ARID4A: variants seen among roughly 807,000 people sequenced by gnomAD.
ARID4A encodes AT-rich interaction domain 4A, also known as AT-rich interactive domain-containing protein 4A.
ARID4A carries 39 observed loss-of-function variants against 148.6 expected under a neutral mutation model. That is an observed-to-expected ratio of 0.26 (90% CI 0.20 to 0.34). The LOEUF is 0.34. Among genes scored for constraint, ARID4A ranks in the 10% least tolerant of loss-of-function variants. The pLI, the probability that ARID4A is intolerant of heterozygous loss-of-function variation, is 1.00. For missense variants in ARID4A, 1,265 were observed against 1,449.1 expected, an observed-to-expected ratio of 0.87 and a Z score of 2.06; for synonymous variants, 475 against 481.2, an observed-to-expected ratio of 0.99 and a Z score of 0.17.
At chr14:58,358,045 T>G (rs1298979777) in intron 17 of ARID4A, among the ~76,000 whole-genome samples, 1 of 151,236 alleles carries the variant, frequency 6.6e-6, no homozygotes, top group Non-Finnish European at 1.5e-5. Flanking sequence ...CTATAAAAAA[T>G]ACAAAAATTA....
intron 3 of ARID4A, chr14:58,303,500 T>C (rs555832273): frequency 6.4e-6 from 3 of 470,552 alleles, no homozygotes; most frequent in South Asian, 3.1e-5. Context: ...TATTGCAGTT[T>C]GCTTTATTCA....
chr14:58,303,455 C>T, intron 3 of ARID4A: 1 of 452,096 alleles, frequency 2.2e-6, no homozygotes, highest in Non-Finnish European at 4.7e-6. Context: ...CTGTGCCAGT[C>T]ATAAAATTAT....
At chr14:58,322,397 T>G (rs956607389) in intron 7 of ARID4A, among the ~76,000 whole-genome samples, 3 of 152,208 alleles carry the variant, frequency 2.0e-5, no homozygotes, top group Non-Finnish European at 2.9e-5. Flanking sequence ...CCTTCATACT[T>G]ATTTTATAAT....
intron 23 of ARID4A, among the ~76,000 whole-genome samples, chr14:58,371,561 T>A (rs934257574): frequency 7.9e-5 from 12 of 152,200 alleles, no homozygotes; most frequent in African/African-American, 2.7e-4. Context: ...TGGTTCCATG[T>A]TTATCTCAGG....
chr14:58,364,093 T>G, intron 19 of ARID4A, 77 bp from the exon 20 acceptor site: 3 of 783,780 alleles, frequency 3.8e-6, no homozygotes, highest in Non-Finnish European at 5.3e-6. Flanking sequence ...TTATTGTTAT[T>G]TTTGGTAAGA....
At chr14:58,319,287 T>G (rs1178765851) in intron 7 of ARID4A, among the ~76,000 whole-genome samples, 4 of 151,634 alleles carry the variant, frequency 2.6e-5, no homozygotes, top group Non-Finnish European at 5.9e-5. Context: ...CAGGCTGGTC[T>G]CGAACTCCTG....
chr14:58,300,697 G>C (rs2031081250), intron 2 of ARID4A, among the ~76,000 whole-genome samples: 1 of 149,842 alleles, frequency 6.7e-6, no homozygotes, highest in Admixed American at 6.7e-5. Context: ...AAACTTATTA[G>C]AAAACAAAAA....
At position 58,323,556 on chromosome 14, in the gene ARID4A, T is replaced by C. The variant is rs1227632306; in HGVS notation, c.521T>C (p.Leu174Ser). The change falls in exon 8 of 24, where the codon TTA becomes TCA. Residue 174 changes from leucine to serine, a missense_variant. Coordinates refer to ENST00000355431, the MANE Select transcript of ARID4A (RefSeq NM_002892.4). The stretch of plus-strand genomic sequence containing the variant: ...GACAAGCGCCGTCTCAATGATGAAT[T>C]ACTAGGAAAAGTTGTAAGTGTGGTG... ...DEDKRRLNDE[L>S]LGKVVSVVSA... 1 of 1,614,048 alleles carries C rather than the reference T, an allele frequency of 6.2e-7. No homozygotes were observed. Among genetic ancestry groups the C allele is most frequent in the Non-Finnish European group, 8.5e-7 (1 of 1,180,024 alleles).
In ARID4A at chr14:58,329,997, T is replaced by C. The variant is rs776687421; in HGVS notation, c.740-6T>C. 1.9e-6 allele frequency: 3 copies of C among 1,607,778 alleles called. No individual in the cohort carries two copies. Among genetic ancestry groups the C allele is most frequent in the African/African-American group, 2.7e-5 (2 of 74,436 alleles). On this transcript the variant is annotated splice_polypyrimidine_tract_variant and splice_region_variant and intron_variant, in intron 10 of 23. Transcript: ENST00000355431. ...AGCAACTGCTGAAGTACATTTTCACTCTTAGGGCTTCAGAAAGCAAGCATC... is the reference window on the plus strand; with the variant it reads ...AGCAACTGCTGAAGTACATTTTCACCCTTAGGGCTTCAGAAAGCAAGCATC...
chr14:58,323,262 A>G (rs1393617402), intron 7 of ARID4A, among the ~76,000 whole-genome samples: 2 of 152,084 alleles, frequency 1.3e-5, no homozygotes, highest in East Asian at 1.9e-4. Flanking sequence ...CTAAGCACTC[A>G]TTGATCTGGC....
intron 5 of ARID4A, 102 bp from the exon 6 acceptor site, chr14:58,318,440 C>T (rs1033135121): frequency 1.8e-6 from 2 of 1,133,476 alleles, no homozygotes; most frequent in East Asian, 5.0e-5. Flanking sequence ...ATGGTTCTTA[C>T]AAATATTAAG....
chr14:58,305,057 C>G, intron 4 of ARID4A, 48 bp downstream of exon 4: 1 of 1,431,214 alleles, frequency 7.0e-7, no homozygotes, highest in Non-Finnish European at 9.5e-7. Context: ...TAGATTTATA[C>G]CATATTTACT....
chr14:58,339,290 G>T (rs916412392), intron 11 of ARID4A, among the ~76,000 whole-genome samples: 4 of 151,916 alleles, frequency 2.6e-5, no homozygotes, highest in African/African-American at 9.7e-5. Context: ...AATTTTAAGG[G>T]ATTCCCATAG....
At position 58,365,289 on chromosome 14, in the gene ARID4A, G is replaced by T; in HGVS notation, c.3200G>T (p.Ser1067Ile). The change falls in exon 20 of 24, where the codon AGC becomes ATC. Residue 1067 changes from serine (S) to isoleucine (I), a missense_variant. Physicochemically the swap from Ser to Ile is moderately radical, Grantham distance 142. Transcript: ENST00000355431. ...AGTATAATTGTACAAGAGAGAGAGAGCAGAGAGAAGGGTAAGGACTTTCTA... is the reference window on the plus strand; with the variant it reads ...AGTATAATTGTACAAGAGAGAGAGATCAGAGAGAAGGGTAAGGACTTTCTA... ...TCSIIVQERE[S>I]REKGQKRPSD... The T allele has an allele frequency of 1.2e-6, 2 of 1,610,230 alleles. No homozygotes were observed. The highest frequency in any genetic ancestry group is 1.7e-6 in the Non-Finnish European group (2 of 1,178,300).
chr14:58,299,665 CTCG>C, intron 1 of ARID4A, 130 bp from the exon 2 acceptor site: 1 of 717,102 alleles, frequency 1.4e-6, no homozygotes, highest in Non-Finnish European at 2.3e-6. Flanking sequence ...CCTGGCTGCC[CTCG>C]TAAGGGGTCT....
At chr14:58,331,777 T>C (rs2033532538) in intron 11 of ARID4A, among the ~76,000 whole-genome samples, 1 of 152,170 alleles carries the variant, frequency 6.6e-6, no homozygotes, top group South Asian at 2.1e-4. Context: ...GAATATTAAA[T>C]GTGATTTTTG....
chr14:58,365,899 T>C (rs993886707), intron 21 of ARID4A, 125 bp from the exon 22 acceptor site: 21 of 903,890 alleles, frequency 2.3e-5, no homozygotes, highest in African/African-American at 2.0e-4. Flanking sequence ...TATATTGTTA[T>C]AAACTTTGTG....
chr14:58,340,384 CTG>C (rs1467248971), intron 11 of ARID4A, among the ~76,000 whole-genome samples: 2 of 151,904 alleles, frequency 1.3e-5, no homozygotes, highest in Non-Finnish European at 2.9e-5. Flanking sequence ...GAGTCTTGCT[CTG>C]TTGCCCAGGC....
intron 5 of ARID4A, among the ~76,000 whole-genome samples, chr14:58,315,667 ATAATT>A (rs2032361365): frequency 6.6e-6 from 1 of 152,220 alleles, no homozygotes; most frequent in Non-Finnish European, 1.5e-5. Context: ...TTGGTTTGTG[ATAATT>A]TAATGATTTA....
Sources: gnomAD v4.1 joint callset for allele counts (sites outside exome capture counted in the v4.1 genomes callset) on GRCh38, gnomAD v4.1.1 for gene constraint, MANE v1.5 for transcripts, NCBI Gene and HGNC (gene_info 2026-07-23, HGNC 2026-07-21) for gene names.